ZNF142: variants seen among roughly 807,000 people sequenced by gnomAD.
ZNF142 encodes zinc finger protein 142 (clone pHZ-49).
A neutral mutation model predicts 132.1 loss-of-function variants in ZNF142; 96 were observed. The observed-to-expected ratio is 0.73, with a 90% CI of 0.62 to 0.86. The LOEUF (loss-of-function observed/expected upper bound fraction) is 0.86, where lower values mean the gene tolerates loss of function less well. ZNF142 is among the 40% of genes least tolerant of loss of function. The probability of loss-of-function intolerance (pLI) is 0.00; values close to 1 mark genes in which losing one functional copy is unlikely to be tolerated. For missense variants in ZNF142, 2,163 were observed against 2,336.2 expected, an observed-to-expected ratio of 0.93 and a Z score of 1.53; for synonymous variants, 842 against 890.1, an observed-to-expected ratio of 0.95 and a Z score of 0.96.
At position 218,642,425 on chromosome 2, in the gene ZNF142, G is replaced by C. The variant is rs200075933; in HGVS notation, c.4691C>G (p.Pro1564Arg). 3.5e-4 allele frequency: 558 copies of C among 1,612,964 alleles called. No individual in the cohort carries two copies. The highest frequency in any genetic ancestry group is 4.4e-4 in the Non-Finnish European group (522 of 1,179,962). ...LECGACQEAF[P>R]SRLALDEHRR... ...GTGCTCATCCAGAGCCAGTCGGCTA[G>C]GGAAGGCCTCCTGGCAGGCCCCACA... Residue 1564 changes from proline (P) to arginine (R), a missense_variant, in exon 9 of 11, where the codon CCT becomes CGT. By Grantham distance (103) the Pro-to-Arg change is moderately radical. Transcript: ENST00000411696. This position sits in a 1 kb window ranked among gnomAD's most constrained non-coding sequence, Gnocchi z 4.6.
chr2:218,648,947 G>C lies in ZNF142; in HGVS notation c.1561C>G (p.His521Asp). Residue 521 changes from histidine (H) to aspartate (D), a missense_variant, in exon 7 of 11, where the codon CAC becomes GAC. Coordinates refer to ENST00000411696, the MANE Select transcript of ZNF142 (RefSeq NM_001379659.1). ...HGVRAVECRHHSCPMLFATAE... is the reference protein window; with the variant it reads ...HGVRAVECRHDSCPMLFATAE... ...GTGGCAAAGAGCATGGGACATGAGT[G>C]ATGGCGGCACTCCACAGCCCGCACC... 2 of 1,613,042 alleles carry C rather than the reference G, an allele frequency of 1.2e-6. No homozygotes were observed. Among genetic ancestry groups the C allele is most frequent in the Non-Finnish European group, 8.5e-7 (1 of 1,180,032 alleles).
chr2:218,648,606 C>A, intron 7 of ZNF142, 29 bp downstream of exon 7: 1 of 1,594,360 alleles, frequency 6.3e-7, no homozygotes, highest in Non-Finnish European at 8.6e-7. Flanking sequence ...ATTATTACAA[C>A]ATTATTTTAA....
In ZNF142 at chr2:218,643,970, T is replaced by C; in HGVS notation, c.3146A>G (p.Lys1049Arg). 6.2e-7 allele frequency: 1 copy of C among 1,614,134 alleles called. No homozygotes were observed. The highest frequency in any genetic ancestry group is 8.5e-7 in the Non-Finnish European group (1 of 1,180,002). The change falls in exon 9 of 11, where the codon AAG becomes AGG. Residue 1049 changes from lysine (K) to arginine (R), a missense_variant. Lys to Arg is a conservative substitution (Grantham distance 26, BLOSUM62 2). Around this residue, in one of 7 missense-constraint regions of ZNF142, gnomAD observed 809 missense variants for 801.7 expected, o/e 1.01. Transcript: ENST00000411696. ...AGTCCTGGAGTGCAGATTCAGGGCC[T>C]TCTCCCGGCGAGTGATAAAAGGGCA... ...PHCPFITRRE[K>R]ALNLHSRTGC...
intron 3 of ZNF142, among the ~76,000 whole-genome samples, chr2:218,658,308 G>A (rs1938794027): frequency 6.6e-6 from 1 of 152,200 alleles, no homozygotes; most frequent in African/African-American, 2.4e-5. Context: ...GGGAGGCCAA[G>A]GCGGGCCGAT....
chr2:218,652,383 G>A, intron 4 of ZNF142, 83 bp from the exon 5 acceptor site: 10 of 443,372 alleles, frequency 2.3e-5, no homozygotes, highest in South Asian at 1.5e-4. Context: ...AGAAAATGTA[G>A]GTGAATCTTT....
chr2:218,637,023 T>C lies in ZNF142; in HGVS notation c.*1316A>G. ...AGCCCAAAGCCAAGGGAAGGATAAA[T>C]CAAGGCTCAAGGCTTCCCCAGCAAA... is the stretch of plus-strand genomic sequence containing the variant. On this transcript the variant is annotated 3_prime_UTR_variant, in exon 11 of 11. Transcript: ENST00000411696. 19 of 414,098 alleles carry C rather than the reference T, an allele frequency of 4.6e-5. No homozygotes were observed. The highest frequency in any genetic ancestry group is 3.4e-4 in the South Asian group (19 of 55,636). 25.7% of individuals were successfully genotyped at this position (414,098 alleles called of 1,614,324 possible). A position where few individuals can be genotyped will look rare whatever the true frequency, so the allele number is the denominator to read the frequency against.
rs764212049 is a variant in ZNF142 at position 218,636,909 on chromosome 2, G to T, written c.*1430C>A. 1 of 467,494 alleles carries T rather than the reference G, an allele frequency of 2.1e-6. No individual in the cohort carries two copies. Among genetic ancestry groups the T allele is most frequent in the Non-Finnish European group, 4.3e-6 (1 of 234,918 alleles). The allele number at this position is 467,494 out of a possible 1,614,324, so 29.0% of individuals were successfully genotyped here. On this transcript the variant is annotated 3_prime_UTR_variant, in exon 11 of 11. Coordinates refer to ENST00000411696, the MANE Select transcript of ZNF142 (RefSeq NM_001379659.1). ...AACTAATCTTTCCCATCAACTCTGTGTGAAGGCAGGTTGCAACTAGAAATT... is the reference window on the plus strand; with the variant it reads ...AACTAATCTTTCCCATCAACTCTGTTTGAAGGCAGGTTGCAACTAGAAATT...
chr2:218,634,012 G>A lies in ZNF142; in HGVS notation c.*4327C>T. On this transcript the variant is annotated 3_prime_UTR_variant, in exon 11 of 11. Coordinates refer to ENST00000411696, the MANE Select transcript of ZNF142 (RefSeq NM_001379659.1). This position sits in a 1 kb window ranked among gnomAD's most constrained non-coding sequence, Gnocchi z 4.0. ...CTTTCTGGAGCCAGCTTCAGATGCT[G>A]GAGAGAAGGGTGAAGAGTAGGCATG... 1 of 1,488,624 alleles carries A rather than the reference G, an allele frequency of 6.7e-7. No individual in the cohort carries two copies. Among genetic ancestry groups the A allele is most frequent in the Non-Finnish European group, 9.1e-7 (1 of 1,101,938 alleles). The allele number at this position is 1,488,624 out of a possible 1,614,324, so 92.2% of individuals were successfully genotyped here.
Position 218,633,808 on chromosome 2 carries a change from T to A in ZNF142, c.*4531A>T. Reference sequence around the variant, plus strand: ...TGGGGAGGGAAGTGGGATGGATAGGTTCAGGCCTGATGGACTGGCAGGTAA... The same window carrying A: ...TGGGGAGGGAAGTGGGATGGATAGGATCAGGCCTGATGGACTGGCAGGTAA... On this transcript the variant is annotated 3_prime_UTR_variant, in exon 11 of 11. Transcript: ENST00000411696. The A allele has an allele frequency of 6.2e-7, 1 of 1,601,950 alleles. No individual in the cohort carries two copies. The highest frequency in any genetic ancestry group is 8.5e-7 in the Non-Finnish European group (1 of 1,171,574).
Position 218,636,399 on chromosome 2 carries a change from C to T in ZNF142, c.*1940G>A, listed in dbSNP as rs182796473. The stretch of plus-strand genomic sequence containing the variant: ...TGGACCTGCATGCAACAAGGTGAGC[C>T]AGCCCCTTTGGCCCCTGGCCAATAC... On this transcript the variant is annotated 3_prime_UTR_variant, in exon 11 of 11. Coordinates refer to ENST00000411696, the MANE Select transcript of ZNF142 (RefSeq NM_001379659.1). The T allele has an allele frequency of 6.2e-7, 1 of 1,614,008 alleles. No individual in the cohort carries two copies. Among genetic ancestry groups the T allele is most frequent in the East Asian group, 2.2e-5 (1 of 44,876 alleles).
Position 218,649,519 on chromosome 2 carries a change from T to C in ZNF142, c.1049-60A>G, listed in dbSNP as rs564206726. On this transcript the variant is annotated intron_variant, in intron 6 of 10. Coordinates refer to ENST00000411696, the MANE Select transcript of ZNF142 (RefSeq NM_001379659.1). ...GATTTTTCTGGGGAAAGCCAGATAA[T>C]GGGAGAACCACAATTTGCTCAGACA... 5 of 1,430,992 alleles carry C rather than the reference T, an allele frequency of 3.5e-6. No individual in the cohort carries two copies. The African/African-American group carries it at 7.2e-5, about 20-fold the overall frequency. 88.6% of individuals were successfully genotyped at this position (1,430,992 alleles called of 1,614,324 possible).
Position 218,637,673 on chromosome 2 carries a change from G to A in ZNF142, c.*666C>T, listed in dbSNP as rs1407055788. ...TTGCTTCTAGGAGGAGGCTTAGTGG[G>A]TAGCAATCCTCCCTCTATAGATACA... On this transcript the variant is annotated 3_prime_UTR_variant, in exon 11 of 11. Transcript: ENST00000411696. Among the ~76,000 whole-genome samples, 7 of 152,192 alleles carry A rather than the reference G, an allele frequency of 4.6e-5. No homozygotes were observed. The highest frequency in any genetic ancestry group is 4.6e-4 in the Admixed American group (7 of 15,276).
chr2:218,640,051 GACTCTGTCTCAAAAAAAAAA>G (rs1697047349), intron 10 of ZNF142, among the ~76,000 whole-genome samples: 1 of 92,038 alleles, frequency 1.1e-5, no homozygotes, highest in Non-Finnish European at 1.9e-5. Flanking sequence ...AACAGAGCGA[GACTCTGTCTCAAAAAAAAAA>G]AAAAAAAAAA....
chr2:218,646,252 T>C lies in ZNF142; in HGVS notation c.1970A>G (p.Tyr657Cys), dbSNP rs777810772. The part of the protein sequence containing the change: ...HMLTHSNTKD[Y>C]MCTECGYVTK... ...GACATAGCCACATTCAGTGCACATG[T>C]AATCCTTGGTGTTGGAGTGGGTCAG... The change falls in exon 8 of 11, where the codon TAC (tyrosine) becomes TGC (cysteine). Residue 657 changes from tyrosine (Y) to cysteine (C), a missense_variant. Physicochemically the swap from Tyr to Cys is radical, Grantham distance 194 (BLOSUM62 -2). Around this residue, in one of 7 missense-constraint regions of ZNF142, gnomAD observed 749 missense variants for 830.3 expected, o/e 0.90. Transcript: ENST00000411696. 5.0e-6 allele frequency: 8 copies of C among 1,614,218 alleles called. No homozygotes were observed. The highest frequency in any genetic ancestry group is 6.8e-6 in the Non-Finnish European group (8 of 1,180,038).
chr2:218,652,439 T>C, intron 4 of ZNF142, 139 bp from the exon 5 acceptor site: 1 of 388,046 alleles, frequency 2.6e-6, no homozygotes, highest in South Asian at 1.9e-5. Flanking sequence ...GTCCTACACC[T>C]GGACTGTAGG....
chr2:218,657,871 T>C (rs1335391700), intron 3 of ZNF142, among the ~76,000 whole-genome samples: 1 of 152,226 alleles, frequency 6.6e-6, no homozygotes, highest in Non-Finnish European at 1.5e-5. Flanking sequence ...TAGTAATTTG[T>C]TGACATTATC....
In ZNF142 at chr2:218,643,908, C is replaced by T. The variant is rs373036267; in HGVS notation, c.3208G>A (p.Glu1070Lys). Reference protein sequence around the residue: ...QGRREPLLCPECGASFKQQRG... With the variant: ...QGRREPLLCPKCGASFKQQRG... ...TGTTGCTTGAAGCTAGCCCCACACT[C>T]GGGGCACAGCAGGGGCTCTCGGCGG... The change falls in exon 9 of 11, where the codon GAG becomes AAG. Residue 1070 changes from glutamate to lysine, a missense_variant. Glu to Lys is a moderately conservative substitution (Grantham distance 56). Transcript: ENST00000411696. 2.4e-5 allele frequency: 38 copies of T among 1,614,138 alleles called. No homozygotes were observed. The Admixed American group carries it at 3.0e-4, about 13-fold the overall frequency.
At position 218,656,511 on chromosome 2, in the gene ZNF142, T is replaced by C. The variant is rs899626454; in HGVS notation, c.-34-48A>G. The C allele has an allele frequency of 2.1e-5, 29 of 1,382,758 alleles. No individual in the cohort carries two copies. The African/African-American group carries it at 3.8e-4, about 18-fold the overall frequency. 85.7% of individuals were successfully genotyped at this position (1,382,758 alleles called of 1,614,324 possible). ...AACAAAGTAAGGTTAGAGTTCTTAC[T>C]TTCTTCCTGGCTGGCGTGGGTACAC... On this transcript the variant is annotated intron_variant, in intron 3 of 10. Transcript: ENST00000411696.
Position 218,651,795 on chromosome 2 carries a change from G to C in ZNF142, c.786C>G (p.Val262=), listed in dbSNP as rs2106256861. The C allele has an allele frequency of 7.8e-7, 1 of 1,289,884 alleles. No homozygotes were observed. Among genetic ancestry groups the C allele is most frequent in the Non-Finnish European group, 1.0e-6 (1 of 988,894 alleles). The allele number at this position is 1,289,884 out of a possible 1,614,324, so 79.9% of individuals were successfully genotyped here. Reference sequence around the variant, plus strand: ...TCCGCTGATGCTGCCGGAAGAGTTTGACGTTGGAGCCTATGAAGCTGCAGT... The same window carrying C: ...TCCGCTGATGCTGCCGGAAGAGTTTCACGTTGGAGCCTATGAAGCTGCAGT... The part of the protein sequence containing the change: ...CSHCSFIGSN[V]KLFRQHQRSH... The change falls in exon 5 of 11, where the codon GTC becomes GTG. Residue 262 remains valine (V), a synonymous_variant. Transcript: ENST00000411696.
Sources: gnomAD v4.1 joint callset for allele counts (sites outside exome capture counted in the v4.1 genomes callset) on GRCh38, gnomAD v4.1.1 for gene constraint, gnomAD v4.1.1 regional missense constraint, Gnocchi (gnomAD v3.1) non-coding constraint, MANE v1.5 for transcripts, NCBI Gene and HGNC (gene_info 2026-07-23, HGNC 2026-07-21) for gene names.